The following SLC7A14 variants were observed in gnomAD, a reference collection of about 807,000 sequenced individuals.
SLC7A14 encodes gamma-aminobutyric acid transporter SLC7A14.
In SLC7A14, 37 loss-of-function variants were observed where a neutral mutation model predicts 60.2. The observed-to-expected ratio is 0.61, with a 90% confidence interval of 0.47 to 0.81. The LOEUF (loss-of-function observed/expected upper bound fraction) is 0.81, where lower values mean the gene tolerates loss of function less well. Ranked by LOEUF, SLC7A14 falls within the 30% of genes least tolerant of loss-of-function variation. SLC7A14 has a pLI of 0.00. For synonymous variants in SLC7A14, 399 were observed against 395.8 expected (o/e 1.01, Z -0.10); for missense variants, 886 against 982.7 (o/e 0.90, Z 1.32).
At chr3:170,563,417 GT>G (rs67991294) in intron 1 of SLC7A14, among the ~76,000 whole-genome samples, 11,625 of 111,744 alleles carry the variant, frequency 0.1, 576 homozygotes, top group African/African-American at 0.17. Context: ...TTGTTTGTTT[GT>G]TTTTTTTTTT....
At chr3:170,563,417 G>GTTTTT (rs67991294) in intron 1 of SLC7A14, among the ~76,000 whole-genome samples, 19 of 111,890 alleles carry the variant, frequency 1.7e-4, no homozygotes, top group South Asian at 1.3e-3. Flanking sequence ...TTGTTTGTTT[G>GTTTTT]TTTTTTTTTT....
chr3:170,531,565 A>C (rs1388634043), intron 1 of SLC7A14, among the ~76,000 whole-genome samples: 1 of 152,208 alleles, frequency 6.6e-6, no homozygotes. Context: ...TTATTGATGC[A>C]AACAGGGAGT....
At chr3:170,560,669 G>C (rs531978794) in intron 1 of SLC7A14, among the ~76,000 whole-genome samples, 1 of 152,120 alleles carries the variant, frequency 6.6e-6, no homozygotes, top group Admixed American at 6.6e-5. Context: ...AATGGACCAA[G>C]GTTTTGGTTC....
chr3:170,553,309 C>T (rs182849304), intron 1 of SLC7A14, among the ~76,000 whole-genome samples: 1 of 152,306 alleles, frequency 6.6e-6, no homozygotes, highest in Admixed American at 6.5e-5. Flanking sequence ...AGGAAACTAA[C>T]TGTTCTAGTT....
intron 1 of SLC7A14, among the ~76,000 whole-genome samples, chr3:170,580,961 T>C (rs1715218429): frequency 1.3e-5 from 2 of 152,138 alleles, no homozygotes; most frequent in Non-Finnish European, 2.9e-5. Context: ...AAAAGCAGTT[T>C]TACTTGACGC....
chr3:170,464,022 G>T lies in SLC7A14; in HGVS notation c.*3033C>A, dbSNP rs1739660628. Reference sequence around the variant, plus strand: ...TTATTTTTCATGGTGTCACTCATTGGCAAATTTAGTAAAGCATGTCAGGGT... The same window carrying T: ...TTATTTTTCATGGTGTCACTCATTGTCAAATTTAGTAAAGCATGTCAGGGT... On this transcript the variant is annotated 3_prime_UTR_variant, in exon 8 of 8. Transcript: ENST00000231706. The T allele has an allele frequency of 6.6e-6, 1 of 152,122 alleles. No individual in the cohort carries two copies. The highest frequency in any genetic ancestry group is 2.4e-5 in the African/African-American group (1 of 41,414). The allele number at this position is 152,122 out of a possible 1,614,324, so 9.4% of individuals were successfully genotyped here.
intron 1 of SLC7A14, among the ~76,000 whole-genome samples, chr3:170,577,481 G>A (rs1035912278): frequency 4.5e-4 from 68 of 151,730 alleles, no homozygotes; most frequent in African/African-American, 1.4e-3. Flanking sequence ...AGCCGGGCGC[G>A]GTGGCGGGCG....
chr3:170,574,342 C>T (rs1715031048), intron 1 of SLC7A14, among the ~76,000 whole-genome samples: 1 of 152,218 alleles, frequency 6.6e-6, no homozygotes, highest in African/African-American at 2.4e-5. Context: ...GCCCCTGAAG[C>T]AGAAGTGGTT....
chr3:170,533,206 G>A (rs1713731078), intron 1 of SLC7A14, among the ~76,000 whole-genome samples: 1 of 152,146 alleles, frequency 6.6e-6, no homozygotes, highest in African/African-American at 2.4e-5. Context: ...ACGGCTTTAT[G>A]TTTGCACCAT....
At chr3:170,519,929 A>G (rs1451403755) in intron 2 of SLC7A14, among the ~76,000 whole-genome samples, 1 of 152,228 alleles carries the variant, frequency 6.6e-6, no homozygotes, top group Admixed American at 6.5e-5. Flanking sequence ...AATGGAAGCC[A>G]AATGTCTGAC....
chr3:170,475,627 G>A (rs773649903), intron 7 of SLC7A14, among the ~76,000 whole-genome samples: 5 of 152,166 alleles, frequency 3.3e-5, no homozygotes, highest in Admixed American at 1.3e-4. Flanking sequence ...GCAGTGGCAC[G>A]CATTTGAGTC....
chr3:170,510,075 CAAAAAA>C (rs34579714), intron 2 of SLC7A14, among the ~76,000 whole-genome samples: 1 of 78,574 alleles, frequency 1.3e-5, no homozygotes. Context: ...AACTCTGTCT[CAAAAAA>C]AAAAAAAAAA....
At chr3:170,528,400 A>T (rs1713574207) in intron 1 of SLC7A14, among the ~76,000 whole-genome samples, 1 of 152,236 alleles carries the variant, frequency 6.6e-6, no homozygotes, top group African/African-American at 2.4e-5. Flanking sequence ...TCATAAATGT[A>T]TAGAATTTTT....
intron 4 of SLC7A14, among the ~76,000 whole-genome samples, 197 bp downstream of exon 4, chr3:170,498,470 G>A (rs1712481613): frequency 6.6e-6 from 1 of 152,060 alleles, no homozygotes; most frequent in African/African-American, 2.4e-5. Context: ...CTTAACAAAT[G>A]CCTGTGGAAA....
chr3:170,510,852 G>GTGAAGGCGCATGTTTTCT (rs1306383503), intron 2 of SLC7A14, among the ~76,000 whole-genome samples: 2 of 152,220 alleles, frequency 1.3e-5, no homozygotes, highest in African/African-American at 2.4e-5. Context: ...AAAGGGAAAG[G>GTGAAGGCGCATGTTTTCT]TGAAGGCGCA....
At chr3:170,474,557 T>A (rs1711555257) in intron 7 of SLC7A14, among the ~76,000 whole-genome samples, 1 of 152,214 alleles carries the variant, frequency 6.6e-6, no homozygotes, top group African/African-American at 2.4e-5. Flanking sequence ...AGCCCGTTTT[T>A]TTTTCCTCTG....
At chr3:170,548,403 G>A (rs1351564661) in intron 1 of SLC7A14, among the ~76,000 whole-genome samples, 2 of 152,140 alleles carry the variant, frequency 1.3e-5, no homozygotes, top group Non-Finnish European at 2.9e-5. Flanking sequence ...GCCTCCTTAG[G>A]TCTAGAATGG....
chr3:170,534,787 A>G (rs1168170711), intron 1 of SLC7A14, among the ~76,000 whole-genome samples: 2 of 152,202 alleles, frequency 1.3e-5, no homozygotes, highest in African/African-American at 4.8e-5. Context: ...TTCTTTAAAA[A>G]AAACTTATGA....
chr3:170,487,251 C>G (rs1164229155), intron 4 of SLC7A14, among the ~76,000 whole-genome samples: 2 of 149,180 alleles, frequency 1.3e-5, no homozygotes, highest in Admixed American at 1.4e-4. Context: ...CAGTGAAAAC[C>G]TTCCATTGAA....
Sources: allele counts gnomAD v4.1 joint callset (sites outside exome capture counted in the v4.1 genomes callset), GRCh38; gene constraint gnomAD v4.1.1; transcripts MANE v1.5; gene names NCBI Gene and HGNC (gene_info 2026-07-23, HGNC 2026-07-21).